Variants in PARVB observed in about 807,000 individuals in gnomAD.
PARVB encodes beta-parvin.
A neutral mutation model predicts 47.0 loss-of-function variants in PARVB; 46 were observed. That is an observed-to-expected ratio of 0.98 (90% CI 0.77 to 1.25). PARVB has a LOEUF of 1.25. PARVB is among the 50% of genes most tolerant of loss of function. The pLI is 0.00. For missense variants in PARVB, 473 were observed against 471.6 expected (o/e 1.00, Z -0.03); for synonymous variants, 196 against 196.3 (o/e 1.00, Z 0.01).
At chr22:44,027,472 C>A (rs572588895) in intron 1 of PARVB, among the ~76,000 whole-genome samples, 16 of 152,206 alleles carry the variant, frequency 1.1e-4, no homozygotes, top group African/African-American at 2.7e-4. Context: ...GGCGCCACTG[C>A]CCAGTGGCCA....
intron 12 of PARVB, among the ~76,000 whole-genome samples, chr22:44,166,499 C>T (rs1375333157): frequency 1.3e-5 from 2 of 152,204 alleles, no homozygotes; most frequent in African/African-American, 4.8e-5. Context: ...GGTGTTTGCC[C>T]CTGAGCCCGG....
chr22:44,001,497 G>A (rs927547822), intron 2 of PARVB, among the ~76,000 whole-genome samples: 1 of 152,126 alleles, frequency 6.6e-6, no homozygotes, highest in Admixed American at 6.5e-5. Flanking sequence ...CTAAAACAAA[G>A]CTTATTTTAT....
chr22:44,037,291 C>T (rs990502081), intron 1 of PARVB, among the ~76,000 whole-genome samples: 12 of 151,168 alleles, frequency 7.9e-5, no homozygotes, highest in Non-Finnish European at 1.5e-4. Context: ...GGCATGGTGG[C>T]TTTTGCTTGT....
chr22:44,147,353 C>G (rs1201760754), intron 8 of PARVB: 1 of 271,796 alleles, frequency 3.7e-6, no homozygotes, highest in Non-Finnish European at 7.4e-6. Context: ...AGGGCTCACT[C>G]TGCCTGCTGG....
At chr22:44,033,700 T>A (rs538384394) in intron 1 of PARVB, among the ~76,000 whole-genome samples, 33 of 152,358 alleles carry the variant, frequency 2.2e-4, no homozygotes, top group African/African-American at 7.7e-4. Context: ...GCTTGTTCTC[T>A]TACAAAGTCA....
chr22:44,069,677 C>T (rs1344647870), intron 1 of PARVB, among the ~76,000 whole-genome samples: 5 of 152,060 alleles, frequency 3.3e-5, no homozygotes, highest in African/African-American at 9.7e-5. Flanking sequence ...TACAGGCTCC[C>T]GCCACCGCGC....
rs183601597 is a variant in PARVB at position 44,147,327 on chromosome 22, C to T, written c.713-534C>T. On this transcript the variant is annotated intron_variant, in intron 8 of 12. Transcript: ENST00000338758. ...GGAGTGGAGGGGGGAAACAAATGATCCTGTTTGCACTTGGAAGGGCTCACT... is the reference window on the plus strand; with the variant it reads ...GGAGTGGAGGGGGGAAACAAATGATTCTGTTTGCACTTGGAAGGGCTCACT... 1.4e-4 allele frequency: 32 copies of T among 235,932 alleles called. 1 individual carries two copies. The highest frequency in any genetic ancestry group is 1.1e-3 in the Admixed American group (24 of 21,124). The allele number at this position is 235,932 out of a possible 1,614,324, so 14.6% of individuals were successfully genotyped here. A position where few individuals can be genotyped will look rare whatever the true frequency, so the allele number is the denominator to read the frequency against.
At chr22:44,080,458 C>G (rs762984865) in intron 1 of PARVB, among the ~76,000 whole-genome samples, 1 of 152,182 alleles carries the variant, frequency 6.6e-6, no homozygotes, top group Non-Finnish European at 1.5e-5. Flanking sequence ...AGCCATCTCC[C>G]GATCTTTCTC....
At chr22:44,058,341 A>G (rs940953300) in intron 1 of PARVB, among the ~76,000 whole-genome samples, 2 of 151,912 alleles carry the variant, frequency 1.3e-5, no homozygotes, top group Non-Finnish European at 2.9e-5. Flanking sequence ...GTCAGCCTCC[A>G]TTGTCACAGG....
intron 1 of PARVB, 103 bp from the exon 2 acceptor site, chr22:44,093,825 T>C: frequency 2.8e-6 from 2 of 707,714 alleles, no homozygotes; most frequent in South Asian, 1.8e-5. Flanking sequence ...TGTTAAATGC[T>C]GAAAAAAACA....
At chr22:44,137,090 C>A (rs1253938275) in intron 7 of PARVB, among the ~76,000 whole-genome samples, 1 of 152,218 alleles carries the variant, frequency 6.6e-6, no homozygotes, top group Non-Finnish European at 1.5e-5. Context: ...TGCATTTGTG[C>A]CTCTTGACTA....
chr22:44,072,125 A>G (rs190740181), intron 1 of PARVB, among the ~76,000 whole-genome samples: 2 of 152,314 alleles, frequency 1.3e-5, no homozygotes, highest in East Asian at 3.9e-4. Context: ...TGTAATGTGA[A>G]TGTCATGTGG....
At position 44,155,925 on chromosome 22, in the gene PARVB, G is replaced by A. The variant is rs931211238; in HGVS notation, c.844-2057G>A. On this transcript the variant is annotated intron_variant, in intron 10 of 12. Coordinates refer to ENST00000338758, the MANE Select transcript of PARVB (RefSeq NM_013327.5). This position sits in a 1 kb window ranked among gnomAD's most constrained non-coding sequence, Gnocchi z 4.8. ...CCTAGCACTTTGGGTGGCCGAGGTGGGTGGATCATGAGGTCAGGAGTTCAA... is the reference window on the plus strand; with the variant it reads ...CCTAGCACTTTGGGTGGCCGAGGTGAGTGGATCATGAGGTCAGGAGTTCAA... 2.0e-5 allele frequency among the ~76,000 whole-genome samples: 3 copies of A among 152,096 alleles called. No individual in the cohort carries two copies. The highest frequency in any genetic ancestry group is 4.8e-5 in the African/African-American group (2 of 41,398).
chr22:44,094,863 G>A (rs1355695409), intron 2 of PARVB, among the ~76,000 whole-genome samples: 1 of 151,684 alleles, frequency 6.6e-6, no homozygotes. Flanking sequence ...CTGGCTTGTT[G>A]GAATCGTTTC....
Position 44,163,869 on chromosome 22 carries a change from G to A in PARVB, c.957G>A (p.Val319=), listed in dbSNP as rs201443184. ...PESFDQKVHN[V]SFAFELMLDG... ...CCCTTCCTTGGCAGGTCCACAATGT[G>A]TCCTTCGCCTTTGAGCTGATGCTGG... The change falls in exon 12 of 13, where the codon GTG becomes GTA. Residue 319 remains valine (V), a synonymous_variant. Transcript: ENST00000338758. The A allele has an allele frequency of 6.2e-7, 1 of 1,610,034 alleles. No individual in the cohort carries two copies. Among genetic ancestry groups the A allele is most frequent in the Non-Finnish European group, 8.5e-7 (1 of 1,178,160 alleles).
At chr22:44,011,639 T>C (rs1312338289) in intron 2 of PARVB, among the ~76,000 whole-genome samples, 1 of 151,950 alleles carries the variant, frequency 6.6e-6, no homozygotes, top group Non-Finnish European at 1.5e-5. Flanking sequence ...AATAAATAAA[T>C]AAATAAAATT....
chr22:44,135,439 A>C (rs2053422681), intron 6 of PARVB, among the ~76,000 whole-genome samples: 1 of 152,104 alleles, frequency 6.6e-6, no homozygotes, highest in Non-Finnish European at 1.5e-5. Context: ...TTGTATTTTT[A>C]GCAGAGACCG....
At chr22:44,120,937 T>C (rs1452256344) in intron 4 of PARVB, among the ~76,000 whole-genome samples, 1 of 151,764 alleles carries the variant, frequency 6.6e-6, no homozygotes, top group Admixed American at 6.6e-5. Context: ...TCCGACTCCC[T>C]AGTTCAAGTG....
upstream of PARVB, among the ~76,000 whole-genome samples, chr22:44,020,820 G>A (rs576023785): frequency 2.6e-5 from 4 of 151,158 alleles, no homozygotes; most frequent in East Asian, 2.0e-4. Context: ...TCACTCTGTC[G>A]ACCAGGCTGG....
Sources: allele counts gnomAD v4.1 joint callset (sites outside exome capture counted in the v4.1 genomes callset), GRCh38; gene constraint gnomAD v4.1.1; non-coding constraint Gnocchi (gnomAD v3.1); transcripts MANE v1.5; gene names NCBI Gene and HGNC (gene_info 2026-07-23, HGNC 2026-07-21).